Variants in FAM13A observed in about 807,000 individuals in gnomAD.
FAM13A encodes family with sequence similarity 13 member A, also known as protein FAM13A.
In FAM13A, 76 loss-of-function variants were observed where a neutral mutation model predicts 129.6. The observed-to-expected ratio is 0.59, with a 90% CI of 0.49 to 0.71. FAM13A has a LOEUF of 0.71. Ranked by LOEUF, FAM13A falls within the 30% of genes least tolerant of loss-of-function variation. The pLI, the probability that FAM13A is intolerant of heterozygous loss-of-function variation, is 0.00. For synonymous variants in FAM13A, 443 were observed against 449.9 expected (o/e 0.98, Z 0.20); for missense variants, 1,108 against 1,249.3 (o/e 0.89, Z 1.70).
chr4:88,997,222 G>GTT (rs758713620), intron 3 of FAM13A, among the ~76,000 whole-genome samples: 1 of 152,078 alleles, frequency 6.6e-6, no homozygotes, highest in African/African-American at 2.4e-5. Context: ...GTTATAATTC[G>GTT]TAAGTCCAAA....
intron 4 of FAM13A, among the ~76,000 whole-genome samples, chr4:88,963,292 T>C (rs1374081275): frequency 6.6e-6 from 1 of 151,964 alleles, no homozygotes; most frequent in Non-Finnish European, 1.5e-5. Flanking sequence ...AGAGTTTCAT[T>C]TAAAATCTTT....
At chr4:88,730,286 T>A (rs931167565) in intron 23 of FAM13A, among the ~76,000 whole-genome samples, 4 of 152,232 alleles carry the variant, frequency 2.6e-5, no homozygotes, top group African/African-American at 9.6e-5. Context: ...ACTGTGACTT[T>A]CGGTAAGATT....
intron 5 of FAM13A, among the ~76,000 whole-genome samples, chr4:88,923,585 C>T (rs921018188): frequency 1.3e-5 from 2 of 152,192 alleles, no homozygotes; most frequent in African/African-American, 4.8e-5. Context: ...GACAAACCCA[C>T]AGCCAATATC....
intron 6 of FAM13A, among the ~76,000 whole-genome samples, chr4:88,903,160 T>C (rs775482861): frequency 6.6e-6 from 1 of 152,192 alleles, no homozygotes; most frequent in Admixed American, 6.5e-5. Flanking sequence ...ATCAGTATTA[T>C]GAAAATACTC....
intron 10 of FAM13A, among the ~76,000 whole-genome samples, chr4:88,784,991 T>G (rs903544860): frequency 5.3e-5 from 8 of 152,280 alleles, no homozygotes; most frequent in African/African-American, 1.9e-4. Context: ...CCTTATGAAT[T>G]TAGACAAATA....
chr4:88,778,733 T>A (rs927760394), intron 11 of FAM13A, among the ~76,000 whole-genome samples: 1 of 152,226 alleles, frequency 6.6e-6, no homozygotes, highest in African/African-American at 2.4e-5. Flanking sequence ...TGGCTTCTCA[T>A]CTCACCCAGA....
intron 7 of FAM13A, among the ~76,000 whole-genome samples, chr4:88,805,380 A>G (rs1728353864): frequency 6.6e-6 from 1 of 152,230 alleles, no homozygotes; most frequent in Non-Finnish European, 1.5e-5. Flanking sequence ...AAATGATTAC[A>G]TACTAATTTA....
At chr4:88,790,504 CT>C (rs1553981221) in intron 9 of FAM13A, 81 bp downstream of exon 9, 159 of 1,150,904 alleles carry the variant, frequency 1.4e-4, no homozygotes, top group Middle Eastern at 6.1e-4. Context: ...ATTAGAGTTG[CT>C]TTTTTTTTCT....
intron 8 of FAM13A, among the ~76,000 whole-genome samples, chr4:88,803,654 A>T (rs1434120168): frequency 6.6e-6 from 1 of 152,186 alleles, no homozygotes; most frequent in South Asian, 2.1e-4. Context: ...TACCCTATGA[A>T]CCAGAGTATG....
intron 6 of FAM13A, among the ~76,000 whole-genome samples, chr4:88,894,416 T>C (rs558856961): frequency 1.3e-5 from 2 of 152,330 alleles, no homozygotes; most frequent in South Asian, 4.1e-4. Flanking sequence ...TGTACTATTT[T>C]TATATAATGT....
intron 21 of FAM13A, among the ~76,000 whole-genome samples, chr4:88,732,997 G>C (rs925391663): frequency 6.6e-6 from 1 of 152,080 alleles, no homozygotes; most frequent in Non-Finnish European, 1.5e-5. Flanking sequence ...CAAAACAAGT[G>C]ATGTACTGCC....
At chr4:88,808,529 C>T (rs1729032982) in intron 7 of FAM13A, among the ~76,000 whole-genome samples, 1 of 152,082 alleles carries the variant, frequency 6.6e-6, no homozygotes, top group African/African-American at 2.4e-5. Flanking sequence ...CATAATTTGT[C>T]ATAATTTTTT....
rs552342238 is a variant in FAM13A at position 88,918,282 on chromosome 4, T to C, written c.760-11820A>G. Among the ~76,000 whole-genome samples the C allele has an allele frequency of 3.3e-5, 5 of 152,366 alleles. No homozygotes were observed. In the South Asian group the frequency reaches 1.0e-3, roughly 32 times the overall value. ...TAAACAACACTGGCTATCACTTATATAGTAGTTAACTATGTGCACGGTTTT... is the reference window on the plus strand; with the variant it reads ...TAAACAACACTGGCTATCACTTATACAGTAGTTAACTATGTGCACGGTTTT... On this transcript the variant is annotated intron_variant, in intron 5 of 23. Coordinates refer to ENST00000264344, the MANE Select transcript of FAM13A (RefSeq NM_014883.4).
At chr4:88,995,322 T>C (rs1008996745) in intron 3 of FAM13A, among the ~76,000 whole-genome samples, 6 of 152,158 alleles carry the variant, frequency 3.9e-5, no homozygotes, top group African/African-American at 1.4e-4. Context: ...ATGCAAAGTA[T>C]TGTTCCTGGG....
intron 5 of FAM13A, among the ~76,000 whole-genome samples, chr4:88,910,546 A>C (rs969655969): frequency 2.0e-5 from 3 of 152,014 alleles, no homozygotes; most frequent in Non-Finnish European, 2.9e-5. Flanking sequence ...AAGGGATATT[A>C]ATCACTACCT....
intron 6 of FAM13A, among the ~76,000 whole-genome samples, chr4:88,901,591 G>A (rs1258477633): frequency 6.6e-6 from 1 of 152,110 alleles, no homozygotes; most frequent in East Asian, 1.9e-4. Context: ...TTGAAACTAT[G>A]AGAAGAAAGA....
chr4:88,990,099 G>A (rs1048875746), intron 4 of FAM13A: 1 of 152,070 alleles, frequency 6.6e-6, no homozygotes, highest in Non-Finnish European at 1.5e-5. Context: ...TTACAATCAG[G>A]ATAGTTATTA....
chr4:88,929,378 T>C (rs1752701499), intron 5 of FAM13A, among the ~76,000 whole-genome samples: 1 of 152,160 alleles, frequency 6.6e-6, no homozygotes, highest in South Asian at 2.1e-4. Flanking sequence ...GTGCAGTCTT[T>C]TTTGCAACGT....
At chr4:89,042,702 G>A (rs1302352848) in intron 1 of FAM13A, among the ~76,000 whole-genome samples, 3 of 152,226 alleles carry the variant, frequency 2.0e-5, no homozygotes, top group Non-Finnish European at 4.4e-5. Context: ...TCACAGAAAA[G>A]TAAAGTTTAA....
Sources: allele counts gnomAD v4.1 joint callset (sites outside exome capture counted in the v4.1 genomes callset), GRCh38; gene constraint gnomAD v4.1.1; transcripts MANE v1.5; gene names NCBI Gene and HGNC (gene_info 2026-07-23, HGNC 2026-07-21).